The following ADK variants were observed in gnomAD, a reference collection of about 807,000 sequenced individuals.
ADK encodes adenosine kinase.
A neutral mutation model predicts 44.7 loss-of-function variants in ADK; 24 were observed. The observed-to-expected ratio is 0.54, with a 90% confidence interval of 0.39 to 0.76. The LOEUF (loss-of-function observed/expected upper bound fraction) is 0.76. ADK is among the 30% of genes least tolerant of loss of function. The probability of loss-of-function intolerance (pLI) is 0.00; values close to 1 mark genes in which losing one functional copy is unlikely to be tolerated. For synonymous variants in ADK, 128 were observed against 142.6 expected, an observed-to-expected ratio of 0.90 and a Z score of 0.73; for missense variants, 321 against 425.1, an observed-to-expected ratio of 0.76 and a Z score of 2.15.
intron 4 of ADK, among the ~76,000 whole-genome samples, chr10:74,382,004 A>G (rs1842988416): frequency 6.6e-6 from 1 of 151,916 alleles, no homozygotes; most frequent in Admixed American, 6.6e-5. Context: ...TTCTCTGTGG[A>G]TTTTGTAGAA....
At chr10:74,523,745 A>G (rs1165855206) in intron 6 of ADK, among the ~76,000 whole-genome samples, 1 of 152,180 alleles carries the variant, frequency 6.6e-6, no homozygotes, top group Non-Finnish European at 1.5e-5. Context: ...AGATTCAAAA[A>G]TCTCAATCAT....
intron 3 of ADK, among the ~76,000 whole-genome samples, chr10:74,277,237 A>T (rs1412585269): frequency 2.6e-5 from 4 of 152,038 alleles, no homozygotes; most frequent in Non-Finnish European, 5.9e-5. Context: ...CTTAATAAGA[A>T]TACTTAGCTC....
intron 1 of ADK, among the ~76,000 whole-genome samples, chr10:74,155,507 A>G (rs1262476633): frequency 6.6e-6 from 1 of 151,446 alleles, no homozygotes; most frequent in Non-Finnish European, 1.5e-5. Flanking sequence ...ATTTTTCTAG[A>G]CCCTATATAT....
chr10:74,473,768 A>G (rs114562576), intron 6 of ADK, among the ~76,000 whole-genome samples: 85 of 152,254 alleles, frequency 5.6e-4, no homozygotes, highest in Middle Eastern at 3.4e-3. Flanking sequence ...TCCATTGTCT[A>G]TTTGTTCCTT....
chr10:74,154,291 T>C (rs982721732), intron 1 of ADK, among the ~76,000 whole-genome samples: 2 of 152,106 alleles, frequency 1.3e-5, no homozygotes, highest in African/African-American at 4.8e-5. Context: ...ATTTTTGAGT[T>C]GGAGTCTCAC....
intron 3 of ADK, among the ~76,000 whole-genome samples, chr10:74,243,610 G>A (rs1845306459): frequency 6.6e-6 from 1 of 152,194 alleles, no homozygotes; most frequent in South Asian, 2.1e-4. Flanking sequence ...GCTGGGCGCA[G>A]TGGCTCCTGC....
chr10:74,470,782 GT>G (rs1191227573), intron 6 of ADK, among the ~76,000 whole-genome samples: 1 of 151,846 alleles, frequency 6.6e-6, no homozygotes, highest in East Asian at 1.9e-4. Context: ...TAGTTTGTAA[GT>G]TTGGTAGTCC....
chr10:74,283,803 C>G (rs540857597), intron 3 of ADK, among the ~76,000 whole-genome samples: 132 of 149,078 alleles, frequency 8.9e-4, no homozygotes, highest in African/African-American at 3.2e-3. Context: ...GCCTCAGCCT[C>G]CTGAGTAGCT....
At chr10:74,208,100 C>T (rs34606636) in intron 2 of ADK, among the ~76,000 whole-genome samples, 4,866 of 152,354 alleles carry the variant, frequency 0.032, 275 homozygotes, top group African/African-American at 0.11. Flanking sequence ...TTTGCTCCAC[C>T]CTGGAGCAGG....
At chr10:74,607,799 T>C (rs1852383061) in intron 9 of ADK, among the ~76,000 whole-genome samples, 1 of 152,168 alleles carries the variant, frequency 6.6e-6, no homozygotes, top group African/African-American at 2.4e-5. Flanking sequence ...TTGGGGAAGC[T>C]TTCTTGGATA....
At chr10:74,218,571 T>G (rs931950416) in intron 2 of ADK, among the ~76,000 whole-genome samples, 1 of 152,054 alleles carries the variant, frequency 6.6e-6, no homozygotes, top group East Asian at 1.9e-4. Context: ...AATTGTCAGA[T>G]TCACCAAAGT....
intron 4 of ADK, among the ~76,000 whole-genome samples, chr10:74,322,679 AT>A (rs532765884): frequency 1.3e-5 from 2 of 151,678 alleles, no homozygotes; most frequent in South Asian, 2.1e-4. Flanking sequence ...TCAGTATTTC[AT>A]TTTTTCCTTT....
At chr10:74,271,531 T>TA (rs1846427790) in intron 3 of ADK, among the ~76,000 whole-genome samples, 1 of 4,020 alleles carries the variant, frequency 2.5e-4, no homozygotes, top group African/African-American at 1.0e-3. Context: ...CATTTAGCAT[T>TA]AGTATATCTC....
chr10:74,557,126 C>T (rs1564790626), intron 7 of ADK, among the ~76,000 whole-genome samples: 1 of 152,104 alleles, frequency 6.6e-6, no homozygotes, highest in South Asian at 2.1e-4. Context: ...ATTGAAACTA[C>T]TAGGAACAAC....
At chr10:74,694,083 A>G (rs1023195874) in intron 10 of ADK, among the ~76,000 whole-genome samples, 27 of 152,028 alleles carry the variant, frequency 1.8e-4, no homozygotes, top group African/African-American at 6.3e-4. Context: ...AATATTTAAA[A>G]CATAAGAAAA....
At chr10:74,326,210 T>C (rs1207094069) in intron 4 of ADK, among the ~76,000 whole-genome samples, 1 of 152,218 alleles carries the variant, frequency 6.6e-6, no homozygotes, top group Non-Finnish European at 1.5e-5. Flanking sequence ...TAGGTTTTGG[T>C]ATCAGGGTAA....
In ADK at chr10:74,468,566, G is replaced by A. The variant is rs1253451710; in HGVS notation, c.556-56690G>A. On this transcript the variant is annotated intron_variant, in intron 6 of 10. Coordinates refer to ENST00000539909, the MANE Select transcript of ADK (RefSeq NM_006721.4). Reference sequence around the variant, plus strand: ...GATAGAGCATTAGATGGCAAATTGGGCCTCAGATATTATTAGGCATAGTTT... The same window carrying A: ...GATAGAGCATTAGATGGCAAATTGGACCTCAGATATTATTAGGCATAGTTT... 2.0e-5 allele frequency among the ~76,000 whole-genome samples: 3 copies of A among 152,248 alleles called. No individual in the cohort carries two copies. In the East Asian group the frequency reaches 5.8e-4, roughly 29 times the overall value.
chr10:74,167,123 G>A (rs1355230500), intron 1 of ADK, among the ~76,000 whole-genome samples: 5 of 152,110 alleles, frequency 3.3e-5, no homozygotes, highest in Non-Finnish European at 7.3e-5. Flanking sequence ...TATATGTATA[G>A]GGTACTGGGT....
At chr10:74,284,906 A>G (rs948072471) in intron 3 of ADK, among the ~76,000 whole-genome samples, 2 of 152,194 alleles carry the variant, frequency 1.3e-5, no homozygotes, top group Non-Finnish European at 2.9e-5. Context: ...GTAACAACTT[A>G]TTTTTTGCCA....
Sources: gnomAD v4.1 joint callset for allele counts (sites outside exome capture counted in the v4.1 genomes callset) on GRCh38, gnomAD v4.1.1 for gene constraint, MANE v1.5 for transcripts, NCBI Gene and HGNC (gene_info 2026-07-23, HGNC 2026-07-21) for gene names.